Variants in DNM3 observed in about 807,000 individuals in gnomAD.
DNM3 encodes the protein dynamin 3, also known as dynamin-3.
A neutral mutation model predicts 101.6 loss-of-function variants in DNM3; 47 were observed. The observed-to-expected ratio is 0.46, with a 90% confidence interval of 0.37 to 0.59. The LOEUF is 0.59. Among genes scored for constraint, DNM3 ranks in the 20% least tolerant of loss-of-function variants. The pLI, the probability that DNM3 is intolerant of heterozygous loss-of-function variation, is 0.00. For missense variants in DNM3, 849 were observed against 1,085.7 expected (o/e 0.78, Z 3.06); for synonymous variants, 385 against 387.9 (o/e 0.99, Z 0.09).
chr1:172,037,592 A>G (rs1357288825), intron 6 of DNM3, among the ~76,000 whole-genome samples: 1 of 152,152 alleles, frequency 6.6e-6, no homozygotes, highest in Non-Finnish European at 1.5e-5. Context: ...GACCTAAACA[A>G]TCTGGGTTTT....
Position 172,387,232 on chromosome 1 carries a change from G to A in DNM3, c.2158G>A (p.Asp720Asn). 6.2e-7 allele frequency: 1 copy of A among 1,614,002 alleles called. No individual in the cohort carries two copies. The highest frequency in any genetic ancestry group is 8.5e-7 in the Non-Finnish European group (1 of 1,179,894). ...ATCTGCTGAGCAGGCTCAGCGCCGG[G>A]ATGAGATGCTTCGAATGTATCAAGC... The part of the protein sequence containing the change: ...EESAEQAQRR[D>N]EMLRMYQALK... The change falls in exon 19 of 21, where the codon GAT becomes AAT. Residue 720 changes from aspartate (D) to asparagine (N), a missense_variant. Coordinates refer to ENST00000627582, the MANE Select transcript of DNM3 (RefSeq NM_015569.5).
At chr1:172,187,772 A>G (rs1004947603) in intron 14 of DNM3, among the ~76,000 whole-genome samples, 2 of 151,654 alleles carry the variant, frequency 1.3e-5, no homozygotes, top group African/African-American at 4.9e-5. Context: ...CTCCTTTCCT[A>G]TTTTTCTTCT....
chr1:172,159,376 A>C (rs2058462396), intron 14 of DNM3, among the ~76,000 whole-genome samples: 3 of 152,038 alleles, frequency 2.0e-5, no homozygotes, highest in Admixed American at 2.0e-4. Flanking sequence ...TCTCACATTG[A>C]GTTATTGTCC....
intron 4 of DNM3, among the ~76,000 whole-genome samples, chr1:171,997,489 C>T (rs908131861): frequency 6.6e-6 from 1 of 152,164 alleles, no homozygotes; most frequent in Non-Finnish European, 1.5e-5. Flanking sequence ...ATTCCTAGCA[C>T]AGTCTCGCCA....
intron 4 of DNM3, among the ~76,000 whole-genome samples, chr1:172,003,575 T>A (rs1298570189): frequency 6.6e-6 from 1 of 151,522 alleles, no homozygotes; most frequent in Non-Finnish European, 1.5e-5. Flanking sequence ...CCTCTATTTC[T>A]TCCCCCTCCC....
intron 14 of DNM3, among the ~76,000 whole-genome samples, chr1:172,234,707 C>T (rs909273964): frequency 3.2e-5 from 4 of 125,602 alleles, no homozygotes; most frequent in African/African-American, 1.2e-4. Flanking sequence ...TGGAACAGAA[C>T]AGAGCCCTCA....
chr1:171,844,253 C>T (rs1300717919), intron 1 of DNM3, among the ~76,000 whole-genome samples: 3 of 152,124 alleles, frequency 2.0e-5, no homozygotes, highest in Non-Finnish European at 4.4e-5. Flanking sequence ...AGGAATTTTG[C>T]AATAAAAACA....
chr1:171,962,726 C>G (rs1270280113), intron 2 of DNM3, among the ~76,000 whole-genome samples: 1 of 152,134 alleles, frequency 6.6e-6, no homozygotes, highest in African/African-American at 2.4e-5. Context: ...CCCAAGTCCC[C>G]TCCTCCCAAT....
chr1:171,911,080 G>A (rs917797677), intron 1 of DNM3, among the ~76,000 whole-genome samples: 1 of 152,164 alleles, frequency 6.6e-6, no homozygotes, highest in Non-Finnish European at 1.5e-5. Flanking sequence ...AATCATGGAT[G>A]TGGCTTCTAG....
chr1:172,048,244 A>G (rs771202691), intron 9 of DNM3, among the ~76,000 whole-genome samples: 2 of 152,182 alleles, frequency 1.3e-5, no homozygotes, highest in Non-Finnish European at 2.9e-5. Context: ...CCTGGAATGG[A>G]TAAATTGTAT....
chr1:172,199,212 A>G lies in DNM3; in HGVS notation c.1660-54361A>G, dbSNP rs905766400. Among the ~76,000 whole-genome samples the G allele has an allele frequency of 3.3e-5, 5 of 151,942 alleles. No individual in the cohort carries two copies. In the East Asian group the frequency reaches 5.8e-4, roughly 18 times the overall value. On this transcript the variant is annotated intron_variant, in intron 14 of 20. Coordinates refer to ENST00000627582, the MANE Select transcript of DNM3 (RefSeq NM_015569.5). ...TGTTGTTTAATTTCCATGTAATTGC[A>G]TGGTTTTTGAGTGATTTTTCATAGT...
intron 10 of DNM3, among the ~76,000 whole-genome samples, chr1:172,063,406 G>T (rs2051403734): frequency 6.6e-6 from 1 of 151,084 alleles, no homozygotes. Context: ...GATCCATACT[G>T]AAATTAAATT....
chr1:172,053,277 C>T (rs1271120832), intron 10 of DNM3, among the ~76,000 whole-genome samples: 4 of 151,972 alleles, frequency 2.6e-5, no homozygotes, highest in Non-Finnish European at 4.4e-5. Flanking sequence ...TAAGTGATTC[C>T]TTTTGTCTAG....
intron 20 of DNM3, among the ~76,000 whole-genome samples, chr1:172,402,894 T>C (rs943102576): frequency 6.6e-6 from 1 of 152,204 alleles, no homozygotes; most frequent in Non-Finnish European, 1.5e-5. Context: ...GGCAAGTAAA[T>C]TGAATTGCTA....
intron 2 of DNM3, among the ~76,000 whole-genome samples, chr1:171,956,895 G>A (rs1435797334): frequency 1.3e-5 from 2 of 152,150 alleles, no homozygotes; most frequent in Non-Finnish European, 1.5e-5. Context: ...ACCCTCAGAA[G>A]CAACAGCCCA....
At position 172,233,960 on chromosome 1, in the gene DNM3, A is replaced by G. The variant is rs2061437613; in HGVS notation, c.1660-19613A>G. ...TACTGAATGGGCAAAAACTGGAAGC[A>G]TTCCTTTTGAAAACTGGCACAAGAC... On this transcript the variant is annotated intron_variant, in intron 14 of 20. Transcript: ENST00000627582. Among the ~76,000 whole-genome samples the G allele has an allele frequency of 3.9e-5, 6 of 152,212 alleles. No individual in the cohort carries two copies. In the South Asian group the frequency reaches 1.2e-3, roughly 32 times the overall value.
intron 16 of DNM3, chr1:172,309,432 C>A (rs2064987487): frequency 6.6e-6 from 1 of 152,176 alleles, no homozygotes; most frequent in African/African-American, 2.4e-5. Flanking sequence ...CAGACCTTTT[C>A]TTTGTGTTCT....
At chr1:171,998,022 A>G (rs753677049) in intron 4 of DNM3, among the ~76,000 whole-genome samples, 15 of 152,120 alleles carry the variant, frequency 9.9e-5, no homozygotes, top group Non-Finnish European at 1.8e-4. Context: ...GCATCACCCC[A>G]GTTTTCTATA....
intron 14 of DNM3, among the ~76,000 whole-genome samples, chr1:172,183,045 T>C (rs781750762): frequency 7.2e-5 from 11 of 152,054 alleles, no homozygotes; most frequent in Non-Finnish European, 1.3e-4. Flanking sequence ...ACTTTTTAAC[T>C]AAAGGGAGCT....
Sources: gnomAD v4.1 joint callset for allele counts (sites outside exome capture counted in the v4.1 genomes callset) on GRCh38, gnomAD v4.1.1 for gene constraint, MANE v1.5 for transcripts, NCBI Gene and HGNC (gene_info 2026-07-23, HGNC 2026-07-21) for gene names.